The following SAMD4A variants were observed in gnomAD, a reference collection of about 807,000 sequenced individuals.
SAMD4A encodes the protein protein Smaug homolog 1.
Under a neutral mutation model 81.3 loss-of-function variants are expected in SAMD4A, and 33 were observed. The ratio of observed to expected loss-of-function variants is 0.41; its 90% CI spans 0.31 to 0.54. The LOEUF (loss-of-function observed/expected upper bound fraction) is 0.54, where lower values mean the gene tolerates loss of function less well. Ranked by LOEUF, SAMD4A falls within the 20% of genes least tolerant of loss-of-function variation. The pLI is 0.37. For synonymous variants in SAMD4A, 389 were observed against 382.1 expected (o/e 1.02, Z -0.21); for missense variants, 854 against 951.1 (o/e 0.90, Z 1.34).
intron 2 of SAMD4A, among the ~76,000 whole-genome samples, chr14:54,684,667 GC>G (rs2036214866): frequency 6.9e-6 from 1 of 144,404 alleles, no homozygotes; most frequent in Non-Finnish European, 1.5e-5. Context: ...GCTGGGTGCC[GC>G]CCCCTCCCCC....
chr14:54,570,504 G>T (rs2033099565), intron 2 of SAMD4A, among the ~76,000 whole-genome samples: 1 of 152,190 alleles, frequency 6.6e-6, no homozygotes, highest in African/African-American at 2.4e-5. Flanking sequence ...TTAGAATGGG[G>T]TGAGGGACTG....
At chr14:54,731,604 G>A (rs775309078) in intron 3 of SAMD4A, among the ~76,000 whole-genome samples, 3 of 152,166 alleles carry the variant, frequency 2.0e-5, no homozygotes, top group Non-Finnish European at 4.4e-5. Context: ...TAGCTATTTG[G>A]ATTGAATTAT....
intron 2 of SAMD4A, 82 bp downstream of exon 2, chr14:54,568,194 G>T (rs2140095296): frequency 1.6e-6 from 2 of 1,264,488 alleles, no homozygotes; most frequent in Middle Eastern, 2.8e-4. Context: ...GGGCCAGGCC[G>T]AGGCCAGTCC....
At chr14:54,695,203 A>G (rs2036545675) in intron 2 of SAMD4A, among the ~76,000 whole-genome samples, 1 of 152,240 alleles carries the variant, frequency 6.6e-6, no homozygotes, top group Admixed American at 6.5e-5. Flanking sequence ...CTAAAACTTA[A>G]TGACTTAACA....
rs532573993 is a variant in SAMD4A at position 54,678,124 on chromosome 14, G to T, written c.197-23938G>T. Among the ~76,000 whole-genome samples the T allele has an allele frequency of 2.0e-5, 3 of 152,354 alleles. No individual in the cohort carries two copies. In the East Asian group the frequency reaches 5.8e-4, roughly 29 times the overall value. On this transcript the variant is annotated intron_variant, in intron 2 of 12. Coordinates refer to ENST00000554335, the MANE Select transcript of SAMD4A (RefSeq NM_015589.6). Reference sequence around the variant, plus strand: ...AAGACCCAAAGAAACAGAGAAATCTGCATATTTTATGCTTAGGTTTGATAA... The same window carrying T: ...AAGACCCAAAGAAACAGAGAAATCTTCATATTTTATGCTTAGGTTTGATAA...
At chr14:54,742,555 G>A (rs576310640) in intron 4 of SAMD4A, among the ~76,000 whole-genome samples, 1 of 152,256 alleles carries the variant, frequency 6.6e-6, no homozygotes, top group Non-Finnish European at 1.5e-5. Flanking sequence ...CAGATAGCTG[G>A]GTAGAAAAAG....
rs1417356674 is a variant in SAMD4A, at chr14:54,790,818, A to G, written c.*1874A>G. On this transcript the variant is annotated 3_prime_UTR_variant, in exon 13 of 13. Transcript: ENST00000554335. ...AAAAGGCCTTAATGAAATCCGAACA[A>G]TTTTCTTTTACTTTCAAGATCAAAA... The G allele has an allele frequency of 1.3e-5, 2 of 151,684 alleles. No homozygotes were observed. Among genetic ancestry groups the G allele is most frequent in the Non-Finnish European group, 2.9e-5 (2 of 67,956 alleles). The allele number at this position is 151,684 out of a possible 1,614,324, so 9.4% of individuals were successfully genotyped here. A position where few individuals can be genotyped will look rare whatever the true frequency, so the allele number is the denominator to read the frequency against.
At chr14:54,695,963 AAAAAAAAAAAG>A (rs2036566185) in intron 2 of SAMD4A, among the ~76,000 whole-genome samples, 1 of 150,774 alleles carries the variant, frequency 6.6e-6, no homozygotes, top group South Asian at 2.1e-4. Flanking sequence ...GAAAAAAAAA[AAAAAAAAAAAG>A]AAAAAGAAAA....
chr14:54,574,455 C>T (rs1016299754), intron 2 of SAMD4A, among the ~76,000 whole-genome samples: 1 of 152,138 alleles, frequency 6.6e-6, no homozygotes, highest in Non-Finnish European at 1.5e-5. Context: ...ATGCAGGGAA[C>T]TCTGTGCATG....
chr14:54,737,436 G>C lies in SAMD4A; in HGVS notation c.979+149G>C, dbSNP rs988616209. 24 of 922,172 alleles carry C rather than the reference G, an allele frequency of 2.6e-5. No homozygotes were observed. In the African/African-American group the frequency reaches 3.7e-4, roughly 14 times the overall value. 57.1% of individuals were successfully genotyped at this position (922,172 alleles called of 1,614,324 possible). The stretch of plus-strand genomic sequence containing the variant: ...TTGATCTGTCCCTTCCAGAACTCCA[G>C]GTTGACCATGGCAGAAAGGGCTCAG... On this transcript the variant is annotated intron_variant, in intron 4 of 12. Transcript: ENST00000554335.
At chr14:54,672,132 C>T (rs1424796017) in intron 2 of SAMD4A, among the ~76,000 whole-genome samples, 2 of 150,534 alleles carry the variant, frequency 1.3e-5, no homozygotes. Flanking sequence ...GCCTTGTTGC[C>T]CAGGCTGGAC....
At chr14:54,674,995 G>A (rs918224879) in intron 2 of SAMD4A, among the ~76,000 whole-genome samples, 14 of 152,076 alleles carry the variant, frequency 9.2e-5, no homozygotes, top group Non-Finnish European at 1.6e-4. Context: ...TCAAACGATC[G>A]TCCCACCTCA....
intron 3 of SAMD4A, among the ~76,000 whole-genome samples, chr14:54,726,121 C>T (rs1039991750): frequency 1.3e-5 from 2 of 151,988 alleles, no homozygotes; most frequent in Non-Finnish European, 2.9e-5. Flanking sequence ...GTTGGTTATG[C>T]TCTCACCAGC....
chr14:54,779,869 G>A (rs1022353746), intron 11 of SAMD4A, among the ~76,000 whole-genome samples: 2 of 152,176 alleles, frequency 1.3e-5, no homozygotes, highest in East Asian at 1.9e-4. Context: ...GGTGTAATAC[G>A]CTCACCAGAA....
At chr14:54,653,212 T>C (rs1291301289) in intron 2 of SAMD4A, among the ~76,000 whole-genome samples, 1 of 151,896 alleles carries the variant, frequency 6.6e-6, no homozygotes, top group African/African-American at 2.4e-5. Flanking sequence ...CGGAGGTGTT[T>C]CCAGGGCTCA....
intron 12 of SAMD4A, among the ~76,000 whole-genome samples, chr14:54,788,055 G>T (rs1213847182): frequency 2.6e-5 from 4 of 152,126 alleles, no homozygotes; most frequent in Non-Finnish European, 2.9e-5. Flanking sequence ...CCAAAACGTA[G>T]ATGTGGCAGA....
At chr14:54,671,468 A>G (rs745796420) in intron 2 of SAMD4A, among the ~76,000 whole-genome samples, 15 of 152,210 alleles carry the variant, frequency 9.9e-5, no homozygotes, top group Admixed American at 6.5e-5. Flanking sequence ...TGATTGTTAA[A>G]TGAGTTTGTC....
chr14:54,703,704 C>T (rs780960384), intron 3 of SAMD4A: 11 of 152,046 alleles, frequency 7.2e-5, no homozygotes, highest in Non-Finnish European at 1.0e-4. Context: ...TCTATCTCTA[C>T]CAAAAAATAC....
At chr14:54,604,775 G>A (rs1193793092) in intron 2 of SAMD4A, among the ~76,000 whole-genome samples, 1 of 152,126 alleles carries the variant, frequency 6.6e-6, no homozygotes, top group Non-Finnish European at 1.5e-5. Context: ...ATACAAAAGA[G>A]TATATAACAC....
Sources: allele counts gnomAD v4.1 joint callset (sites outside exome capture counted in the v4.1 genomes callset), GRCh38; gene constraint gnomAD v4.1.1; transcripts MANE v1.5; gene names NCBI Gene and HGNC (gene_info 2026-07-23, HGNC 2026-07-21).